The following ATP8A2 variants were observed in gnomAD, a reference collection of about 807,000 sequenced individuals.
ATP8A2 encodes phospholipid-transporting ATPase IB.
Under a neutral mutation model 165.6 loss-of-function variants are expected in ATP8A2, and 100 were observed. The ratio of observed to expected loss-of-function variants is 0.60; its 90% CI spans 0.51 to 0.71. The LOEUF (loss-of-function observed/expected upper bound fraction) is 0.71, where lower values mean the gene tolerates loss of function less well. ATP8A2 is among the 30% of genes least tolerant of loss of function. ATP8A2 has a pLI of 0.00. For missense variants in ATP8A2, 1,227 were observed against 1,479.5 expected, an observed-to-expected ratio of 0.83 and a Z score of 2.80; for synonymous variants, 543 against 548.8, an observed-to-expected ratio of 0.99 and a Z score of 0.15.
At position 25,372,371 on chromosome 13, in the gene ATP8A2, C is replaced by T. The variant is rs979602135; in HGVS notation, c.76+83C>T. ...CGCGCCTGCGGTTATGCGACACTGCCCCGCCCGCGCCCCGCTCCCCTCCCT... is the reference window on the plus strand; with the variant it reads ...CGCGCCTGCGGTTATGCGACACTGCTCCGCCCGCGCCCCGCTCCCCTCCCT... On this transcript the variant is annotated intron_variant, in intron 1 of 36. Transcript: ENST00000381655. The surrounding 1 kb of genome is among the most constrained non-coding windows in gnomAD (Gnocchi z 4.8). 8.1e-6 allele frequency: 8 copies of T among 990,836 alleles called. No homozygotes were observed. Among genetic ancestry groups the T allele is most frequent in the Non-Finnish European group, 1.1e-5 (8 of 744,330 alleles). The allele number at this position is 990,836 out of a possible 1,614,324, so 61.4% of individuals were successfully genotyped here.
intron 2 of ATP8A2, among the ~76,000 whole-genome samples, chr13:25,493,005 T>G (rs2036573446): frequency 6.6e-6 from 1 of 152,228 alleles, no homozygotes; most frequent in South Asian, 2.1e-4. Flanking sequence ...GCTCCAAAAT[T>G]CATTTGTTTA....
rs117985142 is a variant in ATP8A2, at chr13:25,766,872, G to A, written c.2385-2174G>A. On this transcript the variant is annotated intron_variant, in intron 25 of 36. Transcript: ENST00000381655. The stretch of plus-strand genomic sequence containing the variant: ...TCCTATGCTAGGTGGAGTGTGAGAT[G>A]CAATTGTTTTATACTTGCTAGTCAA... Among the ~76,000 whole-genome samples, 828 of 152,302 alleles carry A rather than the reference G, an allele frequency of 5.4e-3. 23 individuals are homozygous for A. In the East Asian group the frequency reaches 0.1, roughly 18 times the overall value.
intron 15 of ATP8A2, among the ~76,000 whole-genome samples, chr13:25,563,482 A>T (rs1296186456): frequency 6.6e-6 from 1 of 152,124 alleles, no homozygotes; most frequent in Admixed American, 6.5e-5. Context: ...CTTCAATGTG[A>T]TAGCTCACAG....
At chr13:25,700,585 CAT>C (rs146910382) in intron 25 of ATP8A2, among the ~76,000 whole-genome samples, 2,238 of 152,224 alleles carry the variant, frequency 0.015, 51 homozygotes, top group African/African-American at 0.051. Context: ...AGATGTAACA[CAT>C]GTTTATCCAT....
At position 25,574,745 on chromosome 13, in the gene ATP8A2, G is replaced by A. The variant is rs114732518; in HGVS notation, c.1663-63G>A. ...TATATATGTCTGTTTATGCTTGGGA[G>A]ACAATTGCTTTGAGATTTTAATACT... On this transcript the variant is annotated intron_variant, in intron 18 of 36. Transcript: ENST00000381655. 2.0e-3 allele frequency: 1,828 copies of A among 926,140 alleles called. 31 individuals are homozygous for A. The African/African-American group carries it at 0.026, about 13-fold the overall frequency. 57.4% of individuals were successfully genotyped at this position (926,140 alleles called of 1,614,324 possible).
At chr13:25,633,036 C>A (rs1239945279) in intron 24 of ATP8A2, among the ~76,000 whole-genome samples, 1 of 152,152 alleles carries the variant, frequency 6.6e-6, no homozygotes, top group Non-Finnish European at 1.5e-5. Context: ...TGTTTAGTAT[C>A]TAAGAATGTT....
chr13:25,665,638 C>T (rs187006189), intron 24 of ATP8A2, among the ~76,000 whole-genome samples: 2 of 140,638 alleles, frequency 1.4e-5, no homozygotes, highest in African/African-American at 5.9e-5. Context: ...GTACCTCTGT[C>T]TTAAATTCCA....
intron 33 of ATP8A2, among the ~76,000 whole-genome samples, chr13:25,863,912 A>G (rs1042980233): frequency 1.3e-5 from 2 of 152,228 alleles, no homozygotes; most frequent in Non-Finnish European, 2.9e-5. Flanking sequence ...AGTAGAGGAA[A>G]TTAGAGGGCG....
At chr13:26,002,848 C>CTGTGTGTGTGTGTGTG (rs199795279) in intron 35 of ATP8A2, among the ~76,000 whole-genome samples, 70 of 134,798 alleles carry the variant, frequency 5.2e-4, no homozygotes, top group African/African-American at 1.5e-3. Context: ...TAGTATTCCA[C>CTGTGTGTGTGTGTGTG]TGTGTGTGTG....
intron 15 of ATP8A2, among the ~76,000 whole-genome samples, chr13:25,563,531 T>C (rs1176985199): frequency 2.0e-5 from 3 of 152,212 alleles, no homozygotes; most frequent in Non-Finnish European, 2.9e-5. Context: ...ATTTGTTGTC[T>C]TCCCTCTCCT....
intron 1 of ATP8A2, among the ~76,000 whole-genome samples, chr13:25,451,190 T>G (rs888603089): frequency 1.3e-5 from 2 of 152,184 alleles, no homozygotes; most frequent in African/African-American, 4.8e-5. Context: ...GTCTTCAAAT[T>G]CATGCATCCT....
At chr13:26,010,207 C>T (rs1450923902) in intron 35 of ATP8A2, among the ~76,000 whole-genome samples, 1 of 152,244 alleles carries the variant, frequency 6.6e-6, no homozygotes, top group Non-Finnish European at 1.5e-5. Flanking sequence ...TTATTTGACA[C>T]AGCTGAGTCT....
At chr13:25,506,569 TCTGGC>T (rs2037043849) in intron 2 of ATP8A2, among the ~76,000 whole-genome samples, 3 of 152,294 alleles carry the variant, frequency 2.0e-5, no homozygotes, top group African/African-American at 7.2e-5. Context: ...GAGATAGAGT[TCTGGC>T]CAATGAGACG....
intron 33 of ATP8A2, among the ~76,000 whole-genome samples, chr13:25,886,850 T>C (rs1166424452): frequency 3.3e-5 from 5 of 152,192 alleles, no homozygotes; most frequent in Non-Finnish European, 7.4e-5. Context: ...TAGTACTACA[T>C]AGGCTTTATT....
rs376001618 is a variant in ATP8A2, at chr13:25,658,326, T to C, written c.2212-40847T>C. Among the ~76,000 whole-genome samples, 10 of 152,278 alleles carry C rather than the reference T, an allele frequency of 6.6e-5. No individual in the cohort carries two copies. The South Asian group carries it at 1.9e-3, about 28-fold the overall frequency. On this transcript the variant is annotated intron_variant, in intron 24 of 36. Coordinates refer to ENST00000381655, the MANE Select transcript of ATP8A2 (RefSeq NM_016529.6). ...CCCCTTGCTTCATATGAGTGACTGC[T>C]ACTTCTTGACTTTTTAAAGAGTTAG...
rs117395461 is a variant in ATP8A2, at chr13:25,980,886, A to G, written c.3377+12207A>G. Among the ~76,000 whole-genome samples, 344 of 152,310 alleles carry G rather than the reference A, an allele frequency of 2.3e-3. 4 individuals carry two copies. Among genetic ancestry groups the G allele is most frequent in the South Asian group, 4.6e-3 (22 of 4,822 alleles). ...CAACATAGCAAGACCTGGTTTCTAA[A>G]AATAAAGAAAAAGTTAAGTGAAACC... is the stretch of plus-strand genomic sequence containing the variant. On this transcript the variant is annotated intron_variant, in intron 35 of 36. Transcript: ENST00000381655.
At chr13:25,850,580 T>A (rs535939429) in intron 30 of ATP8A2, among the ~76,000 whole-genome samples, 11 of 152,228 alleles carry the variant, frequency 7.2e-5, no homozygotes, top group Admixed American at 2.6e-4. Flanking sequence ...AAAGGCTGGC[T>A]TGGGGAACCC....
At chr13:25,872,395 G>A (rs1952703067) in intron 33 of ATP8A2, among the ~76,000 whole-genome samples, 1 of 152,164 alleles carries the variant, frequency 6.6e-6, no homozygotes, top group Non-Finnish European at 1.5e-5. Flanking sequence ...TCAGCATTGA[G>A]CACACCCCTG....
intron 4 of ATP8A2, among the ~76,000 whole-genome samples, chr13:25,531,522 C>T (rs1394954274): frequency 2.0e-5 from 3 of 149,974 alleles, no homozygotes; most frequent in Non-Finnish European, 3.0e-5. Flanking sequence ...TTCCTCTCCT[C>T]CCTTACATAC....
Sources: gnomAD v4.1 joint callset for allele counts (sites outside exome capture counted in the v4.1 genomes callset) on GRCh38, gnomAD v4.1.1 for gene constraint, Gnocchi (gnomAD v3.1) non-coding constraint, MANE v1.5 for transcripts, NCBI Gene and HGNC (gene_info 2026-07-23, HGNC 2026-07-21) for gene names.